The following FIG4 variants were observed in gnomAD, a reference collection of about 807,000 sequenced individuals.
FIG4 encodes the protein polyphosphoinositide phosphatase.
A neutral mutation model predicts 118.6 loss-of-function variants in FIG4; 112 were observed. The ratio of observed to expected loss-of-function variants is 0.94; its 90% CI spans 0.81 to 1.11. The LOEUF is 1.11. Ranked by LOEUF, FIG4 falls within the 50% of genes least tolerant of loss-of-function variation. The pLI is 0.00. For missense variants in FIG4, 969 were observed against 1,111.7 expected (o/e 0.87, Z 1.83); for synonymous variants, 369 against 381.2 (o/e 0.97, Z 0.37).
chr6:109,748,060 A>G (rs1776559623), intron 10 of FIG4, among the ~76,000 whole-genome samples: 1 of 152,104 alleles, frequency 6.6e-6, no homozygotes, highest in Admixed American at 6.6e-5. Flanking sequence ...AGGTAGGAGG[A>G]ATGGTCATCT....
chr6:109,719,170 C>T (rs1393396343), intron 3 of FIG4, among the ~76,000 whole-genome samples: 2 of 152,178 alleles, frequency 1.3e-5, no homozygotes, highest in South Asian at 2.1e-4. Flanking sequence ...CTGCCTGTCT[C>T]AGCCTCCCAA....
At chr6:109,759,798 A>G (rs769831799) in intron 10 of FIG4, among the ~76,000 whole-genome samples, 5 of 152,246 alleles carry the variant, frequency 3.3e-5, no homozygotes, top group African/African-American at 4.8e-5. Flanking sequence ...TAATTTATGA[A>G]GTCCTGTGAA....
intron 14 of FIG4, among the ~76,000 whole-genome samples, chr6:109,765,518 A>G (rs544757016): frequency 1.3e-5 from 2 of 152,126 alleles, no homozygotes; most frequent in South Asian, 4.2e-4. Context: ...TTTCTATTAA[A>G]AATTTGTGTA....
chr6:109,824,907 C>G (rs1050002761), intron 22 of FIG4, among the ~76,000 whole-genome samples, 181 bp from the exon 23 acceptor site: 3 of 152,196 alleles, frequency 2.0e-5, no homozygotes, highest in Admixed American at 2.0e-4. Context: ...TGGTCCAGCT[C>G]TCTCCTCCAG....
At chr6:109,807,784 A>G (rs1193750329) in intron 22 of FIG4, among the ~76,000 whole-genome samples, 1 of 152,144 alleles carries the variant, frequency 6.6e-6, no homozygotes, top group Non-Finnish European at 1.5e-5. Context: ...TAATTTTTGT[A>G]TAAGGTGTAA....
intron 3 of FIG4, among the ~76,000 whole-genome samples, chr6:109,717,960 A>G (rs1417409690): frequency 6.6e-6 from 1 of 152,194 alleles, no homozygotes; most frequent in Non-Finnish European, 1.5e-5. Flanking sequence ...TCGTTCTCGC[A>G]TTGCTATAAA....
At chr6:109,733,161 A>C (rs1269306653) in intron 5 of FIG4, among the ~76,000 whole-genome samples, 1 of 152,146 alleles carries the variant, frequency 6.6e-6, no homozygotes, top group Admixed American at 6.6e-5. Flanking sequence ...CATTGAACAT[A>C]CATGAAAATA....
chr6:109,695,579 T>TACACACACACACACAC, intron 1 of FIG4, among the ~76,000 whole-genome samples: 1 of 148,820 alleles, frequency 6.7e-6, no homozygotes, highest in Non-Finnish European at 1.5e-5. Context: ...ATGCAGTGAA[T>TACACACACACACACAC]ACACACACAC....
chr6:109,745,947 A>T (rs1776482605), intron 10 of FIG4, among the ~76,000 whole-genome samples: 1 of 152,170 alleles, frequency 6.6e-6, no homozygotes, highest in South Asian at 2.1e-4. Context: ...TAGCCAAGAC[A>T]ATCCTAAGCA....
At chr6:109,777,554 C>G (rs1777657272) in intron 16 of FIG4, among the ~76,000 whole-genome samples, 1 of 152,176 alleles carries the variant, frequency 6.6e-6, no homozygotes, top group Non-Finnish European at 1.5e-5. Context: ...TTAGATTTTT[C>G]AAGTGTGACA....
intron 22 of FIG4, among the ~76,000 whole-genome samples, chr6:109,819,712 G>A (rs1294557250): frequency 2.6e-5 from 4 of 152,050 alleles, no homozygotes; most frequent in Middle Eastern, 6.8e-3. Flanking sequence ...CAGGTGATCC[G>A]CCTGCCTCAG....
At chr6:109,791,619 T>G in intron 20 of FIG4, 48 bp downstream of exon 20, 3 of 1,559,982 alleles carry the variant, frequency 1.9e-6, no homozygotes, top group Non-Finnish European at 2.6e-6. Context: ...CCCTGGAAAA[T>G]GATCTTTACA....
chr6:109,792,660 T>A lies in FIG4; in HGVS notation c.2455T>A (p.Ser819Thr). Residue 819 changes from serine to threonine, a missense_variant, in exon 21 of 23, where the codon TCA (serine) becomes ACA (threonine). Coordinates refer to ENST00000230124, the MANE Select transcript of FIG4 (RefSeq NM_014845.6). ...CTCAGAAGAAGATTTCTCCATTTATTCAAGGTGAGATACTTTCATGTAGAT... is the reference window on the plus strand; with the variant it reads ...CTCAGAAGAAGATTTCTCCATTTATACAAGGTGAGATACTTTCATGTAGAT... ...GLSEEDFSIY[S>T]RFVQLGQSQH... The A allele has an allele frequency of 6.5e-7, 1 of 1,540,256 alleles. No homozygotes were observed. Among genetic ancestry groups the A allele is most frequent in the Non-Finnish European group, 9.0e-7 (1 of 1,113,078 alleles).
intron 8 of FIG4, 81 bp from the exon 9 acceptor site, chr6:109,743,029 G>A: frequency 1.7e-6 from 2 of 1,206,596 alleles, no homozygotes; most frequent in South Asian, 2.5e-5. Flanking sequence ...TGAAAGAATA[G>A]GAATTATAAC....
chr6:109,758,607 T>C (rs1232164491), intron 10 of FIG4, among the ~76,000 whole-genome samples: 1 of 152,044 alleles, frequency 6.6e-6, no homozygotes. Context: ...AATTGACAAA[T>C]AGGATCTGAT....
rs121908288 is a variant in FIG4, at chr6:109,735,199, C to A, written c.547C>A (p.Arg183=). 6 of 1,612,222 alleles carry A rather than the reference C, an allele frequency of 3.7e-6. No individual in the cohort carries two copies. Among genetic ancestry groups the A allele is most frequent in the Admixed American group, 3.3e-5 (2 of 59,948 alleles). The change falls in exon 6 of 23, where the codon CGA becomes AGA. Residue 183 remains arginine (R), a synonymous_variant. Coordinates refer to ENST00000230124, the MANE Select transcript of FIG4 (RefSeq NM_014845.6). ...ACTTCAATATAATCTCACTGTCTTG[C>A]GAATGCCCCTGGAGATGTTAAAGTC... ...HSLQYNLTVL[R]MPLEMLKSEM...
intron 3 of FIG4, among the ~76,000 whole-genome samples, chr6:109,723,295 A>G (rs927324854): frequency 1.3e-5 from 2 of 152,148 alleles, no homozygotes; most frequent in African/African-American, 2.4e-5. Context: ...AAGTTCAGGG[A>G]ACCTGAAAGT....
At chr6:109,708,857 T>A (rs956813635) in intron 1 of FIG4, among the ~76,000 whole-genome samples, 1 of 152,214 alleles carries the variant, frequency 6.6e-6, no homozygotes, top group African/African-American at 2.4e-5. Flanking sequence ...AGATGGTGGA[T>A]ATTAGATCTC....
intron 1 of FIG4, among the ~76,000 whole-genome samples, chr6:109,709,036 T>C (rs1429201416): frequency 2.6e-5 from 4 of 152,202 alleles, no homozygotes; most frequent in Non-Finnish European, 4.4e-5. Flanking sequence ...AATCTTTGCC[T>C]GTGCCTATGT....
Sources: gnomAD v4.1 joint callset for allele counts (sites outside exome capture counted in the v4.1 genomes callset) on GRCh38, gnomAD v4.1.1 for gene constraint, MANE v1.5 for transcripts, NCBI Gene and HGNC (gene_info 2026-07-23, HGNC 2026-07-21) for gene names.